The following GSDMC variants were observed in gnomAD, a reference collection of about 807,000 sequenced individuals.
GSDMC encodes the protein gasdermin-C.
Under a neutral mutation model 58.0 loss-of-function variants are expected in GSDMC, and 59 were observed. That is an observed-to-expected ratio of 1.02 (90% CI 0.82 to 1.26). GSDMC has a LOEUF of 1.26. Among genes scored for constraint, GSDMC ranks in the 50% most tolerant of loss-of-function variants. GSDMC has a pLI of 0.00. For synonymous variants in GSDMC, 241 were observed against 220.2 expected (o/e 1.09, Z -0.83); for missense variants, 659 against 598.5 (o/e 1.10, Z -1.06).
chr8:129,710,437 C>T, the GSDMC span, among the ~76,000 whole-genome samples: 1 of 152,244 alleles, frequency 6.6e-6, no homozygotes, highest in Non-Finnish European at 1.5e-5. Flanking sequence ...TTCACATGGT[C>T]GTCACCATCA....
chr8:129,750,871 C>T (rs531913516), intron 10 of GSDMC, among the ~76,000 whole-genome samples: 1 of 152,282 alleles, frequency 6.6e-6, no homozygotes, highest in Non-Finnish European at 1.5e-5. Flanking sequence ...ATTTCTGGGA[C>T]ATGTCAGGAA....
the GSDMC span, among the ~76,000 whole-genome samples, chr8:129,712,489 C>A: frequency 6.6e-6 from 1 of 152,008 alleles, no homozygotes; most frequent in Non-Finnish European, 1.5e-5. Context: ...TATAAAGCAG[C>A]AAGAAAACAG....
intron 3 of GSDMC, 54 bp downstream of exon 3, chr8:129,776,048 A>G: frequency 7.3e-7 from 1 of 1,374,322 alleles, no homozygotes; most frequent in Non-Finnish European, 1.0e-6. Context: ...GTGTTCAAGG[A>G]AAACACCCCC....
chr8:129,747,059 G>A (rs888583286), downstream of GSDMC, among the ~76,000 whole-genome samples: 2 of 151,668 alleles, frequency 1.3e-5, no homozygotes, highest in Non-Finnish European at 2.9e-5. Context: ...AGACCATCCC[G>A]GCCAACATGG....
intron 1 of GSDMC, among the ~76,000 whole-genome samples, chr8:129,778,277 G>T (rs2034305308): frequency 6.6e-6 from 1 of 152,114 alleles, no homozygotes; most frequent in African/African-American, 2.4e-5. Flanking sequence ...GAATATGTGA[G>T]GTGGAAAGGA....
chr8:129,781,036 T>C (rs1322137491), intron 1 of GSDMC, among the ~76,000 whole-genome samples: 1 of 151,756 alleles, frequency 6.6e-6, no homozygotes, highest in Non-Finnish European at 1.5e-5. Context: ...AAACATACAA[T>C]GAATAAGCAA....
At chr8:129,717,249 GCTT>G in the GSDMC span, among the ~76,000 whole-genome samples, 6 of 99,556 alleles carry the variant, frequency 6.0e-5, no homozygotes, top group Admixed American at 2.4e-4. Context: ...CTGGTCCTGG[GCTT>G]TTTTTTTTTT....
At chr8:129,766,981 A>G (rs967493555) in intron 3 of GSDMC, among the ~76,000 whole-genome samples, 1 of 152,178 alleles carries the variant, frequency 6.6e-6, no homozygotes, top group Non-Finnish European at 1.5e-5. Context: ...TGGCAGTGAC[A>G]CTACATTCCT....
At chr8:129,768,504 C>T (rs1006106770) in intron 3 of GSDMC, among the ~76,000 whole-genome samples, 2 of 151,972 alleles carry the variant, frequency 1.3e-5, no homozygotes, top group Non-Finnish European at 2.9e-5. Flanking sequence ...AAAATTAGTT[C>T]CACAAAGAAA....
In GSDMC at chr8:129,777,373, A is replaced by G; in HGVS notation, c.215T>C (p.Val72Ala). The G allele has an allele frequency of 2.5e-6, 4 of 1,601,540 alleles. No homozygotes were observed. The highest frequency in any genetic ancestry group is 3.4e-6 in the Non-Finnish European group (4 of 1,168,654). Residue 72 changes from valine (V) to alanine (A), a missense_variant, in exon 2 of 14, where the codon GTC (valine) becomes GCC (alanine). Val to Ala is a moderately conservative substitution (Grantham distance 64, BLOSUM62 0). Transcript: ENST00000276708. ...LNDILEPSSS[V>A]LETVVTGPFH... Reference sequence around the variant, plus strand: ...TGGCCTCTGGCTGACAATACCTAGGACTGAAGAACTTGGCTCCAGGATGTC... The same window carrying G: ...TGGCCTCTGGCTGACAATACCTAGGGCTGAAGAACTTGGCTCCAGGATGTC...
chr8:129,758,122 A>T (rs2033513869), intron 6 of GSDMC, among the ~76,000 whole-genome samples: 1 of 152,248 alleles, frequency 6.6e-6, no homozygotes, highest in Non-Finnish European at 1.5e-5. Context: ...AAACCGTATG[A>T]TCATTTCAAT....
the GSDMC span, chr8:129,729,019 A>G: frequency 1.5e-6 from 1 of 652,474 alleles, no homozygotes; most frequent in Non-Finnish European, 2.9e-6. Flanking sequence ...GAGGATGAAA[A>G]TTTAAGGAAA....
At chr8:129,715,263 C>T in the GSDMC span, among the ~76,000 whole-genome samples, 1 of 152,084 alleles carries the variant, frequency 6.6e-6, no homozygotes, top group Non-Finnish European at 1.5e-5. Context: ...CTAGACTAAA[C>T]ACTGTTCTGG....
chr8:129,747,453 G>A (rs2032990605), downstream of GSDMC, among the ~76,000 whole-genome samples: 1 of 152,104 alleles, frequency 6.6e-6, no homozygotes, highest in Non-Finnish European at 1.5e-5. Flanking sequence ...GACATGATGT[G>A]AGCAATAGGG....
At chr8:129,767,879 C>A (rs1260176451) in intron 3 of GSDMC, among the ~76,000 whole-genome samples, 1 of 152,198 alleles carries the variant, frequency 6.6e-6, no homozygotes, top group Non-Finnish European at 1.5e-5. Context: ...TAAAGCCCTG[C>A]CCAATTATAT....
At chr8:129,732,731 C>T in the GSDMC span, among the ~76,000 whole-genome samples, 14 of 152,300 alleles carry the variant, frequency 9.2e-5, no homozygotes, top group East Asian at 2.7e-3. Flanking sequence ...GTCTGCAGTT[C>T]CCAGTGTGAT....
Position 129,748,458 on chromosome 8 carries a change from GCGAGGGCCAGCAT to G in GSDMC, c.*30_*42del. The stretch of plus-strand genomic sequence containing the variant: ...TAAGGACACTCACAGCATAGACTGG[GCGAGGGCCAGCAT>G]CTCTGGACTGACTGCCCATCAGGGA... On this transcript the variant is annotated 3_prime_UTR_variant, in exon 14 of 14. Transcript: ENST00000276708. 1 of 1,557,510 alleles carries G rather than the reference GCGAGGGCCAGCAT, an allele frequency of 6.4e-7. No individual in the cohort carries two copies. The highest frequency in any genetic ancestry group is 8.7e-7 in the Non-Finnish European group (1 of 1,154,178).
intron 1 of GSDMC, among the ~76,000 whole-genome samples, chr8:129,781,700 A>G (rs1364957521): frequency 6.6e-6 from 1 of 151,112 alleles, no homozygotes; most frequent in Admixed American, 6.6e-5. Context: ...GGCCGAGCGG[A>G]GATCGCGCCA....
the GSDMC span, among the ~76,000 whole-genome samples, chr8:129,708,070 C>A: frequency 6.6e-6 from 1 of 152,212 alleles, no homozygotes; most frequent in Non-Finnish European, 1.5e-5. Flanking sequence ...CCATACTGTG[C>A]ATCTCTCCTC....
Sources: gnomAD v4.1 joint callset for allele counts (sites outside exome capture counted in the v4.1 genomes callset) on GRCh38, gnomAD v4.1.1 for gene constraint, MANE v1.5 for transcripts, NCBI Gene and HGNC (gene_info 2026-07-23, HGNC 2026-07-21) for gene names.